PAH: variants seen among roughly 807,000 people sequenced by gnomAD.
The protein encoded by PAH is phenylalanine hydroxylase.
Under a neutral mutation model 62.0 loss-of-function variants are expected in PAH, and 64 were observed. The observed-to-expected ratio is 1.03, with a 90% CI of 0.84 to 1.27. The LOEUF (loss-of-function observed/expected upper bound fraction) is 1.27, where lower values mean the gene tolerates loss of function less well. PAH is among the 50% of genes most tolerant of loss of function. The pLI is 0.00. For missense variants in PAH, 579 were observed against 542.8 expected, an observed-to-expected ratio of 1.07 and a Z score of -0.66; for synonymous variants, 195 against 196.2, an observed-to-expected ratio of 0.99 and a Z score of 0.05.
At chr12:102,882,326 A>G (rs567268899) in intron 3 of PAH, among the ~76,000 whole-genome samples, 93 of 152,286 alleles carry the variant, frequency 6.1e-4, no homozygotes, top group Admixed American at 1.8e-3. Flanking sequence ...TAAGAGTCTT[A>G]AAACAGCCAG....
intron 3 of PAH, among the ~76,000 whole-genome samples, chr12:102,891,296 G>A (rs548105295): frequency 1.3e-5 from 2 of 152,084 alleles, no homozygotes; most frequent in South Asian, 4.2e-4. Context: ...ACTGTGCCCG[G>A]CACAGAGCTG....
chr12:102,859,320 A>T (rs1364120057), intron 5 of PAH, among the ~76,000 whole-genome samples: 1 of 152,230 alleles, frequency 6.6e-6, no homozygotes, highest in Admixed American at 6.5e-5. Context: ...TCTGAAATTG[A>T]GGCAATAATT....
chr12:102,839,359 C>T, intron 12 of PAH, 141 bp from the exon 13 acceptor site: 1 of 758,256 alleles, frequency 1.3e-6, no homozygotes. Context: ...GAGCTTACAG[C>T]CTCATTATGG....
chr12:102,904,833 C>T, intron 2 of PAH: 1 of 393,586 alleles, frequency 2.5e-6, no homozygotes, highest in East Asian at 6.1e-5. Context: ...CACCACAGTC[C>T]CCCTGCTCTA....
chr12:102,877,887 G>A (rs577256601), intron 3 of PAH, among the ~76,000 whole-genome samples: 18 of 152,228 alleles, frequency 1.2e-4, no homozygotes, highest in Non-Finnish European at 2.5e-4. Context: ...ACAGTTGCAT[G>A]TGATCTTGGC....
intron 2 of PAH, among the ~76,000 whole-genome samples, chr12:102,901,634 A>G (rs1047569109): frequency 2.0e-5 from 3 of 152,078 alleles, no homozygotes; most frequent in Admixed American, 1.3e-4. Context: ...AAAAAGAAGG[A>G]AAGCCTAGGC....
intron 3 of PAH, among the ~76,000 whole-genome samples, chr12:102,884,585 G>T (rs1460302701): frequency 6.6e-5 from 10 of 152,164 alleles, no homozygotes; most frequent in African/African-American, 2.4e-4. Flanking sequence ...GCACTTGCCT[G>T]CCTCCTTCTT....
intron 1 of PAH, among the ~76,000 whole-genome samples, chr12:102,934,159 C>A (rs1005005548): frequency 6.6e-6 from 1 of 152,014 alleles, no homozygotes; most frequent in Non-Finnish European, 1.5e-5. Flanking sequence ...CCAGTTTTCC[C>A]AGCATCATTG....
intron 3 of PAH, among the ~76,000 whole-genome samples, chr12:102,883,754 G>T (rs1172527113): frequency 6.6e-6 from 1 of 152,130 alleles, no homozygotes; most frequent in African/African-American, 2.4e-5. Context: ...TTCAAGAAAA[G>T]GTCCAAAACA....
exon 1 of PAH, chr12:102,958,273 G>A (rs1879992019): frequency 2.0e-6 from 3 of 1,474,852 alleles, no homozygotes; most frequent in Non-Finnish European, 1.8e-6. Flanking sequence ...ATGGAGAGCG[G>A]CGGCGCCGGC....
chr12:102,899,239 G>A (rs1161603765), intron 2 of PAH, among the ~76,000 whole-genome samples: 9 of 152,118 alleles, frequency 5.9e-5, no homozygotes, highest in Admixed American at 2.0e-4. Flanking sequence ...TCCAAGAACC[G>A]AGAATGGACA....
At chr12:102,921,260 C>T (rs1878545336), upstream of PAH, among the ~76,000 whole-genome samples, 1 of 152,198 alleles carries the variant, frequency 6.6e-6, no homozygotes, top group Non-Finnish European at 1.5e-5. Context: ...GAATTTCTCT[C>T]ATAACTCATG....
intron 1 of PAH, among the ~76,000 whole-genome samples, chr12:102,933,631 A>C (rs1489183742): frequency 1.3e-5 from 2 of 152,016 alleles, no homozygotes; most frequent in Non-Finnish European, 2.9e-5. Flanking sequence ...TTGGATTATA[A>C]GCCATTTTAA....
exon 1 of PAH, chr12:102,958,310 GC>G (rs1317517119): frequency 6.8e-7 from 1 of 1,477,426 alleles, no homozygotes; most frequent in Admixed American, 2.4e-5. Flanking sequence ...AGCCCCAGCA[GC>G]CCTTCCTGCC....
intron 5 of PAH, among the ~76,000 whole-genome samples, chr12:102,857,576 A>C (rs1256101216): frequency 6.6e-6 from 1 of 152,244 alleles, no homozygotes; most frequent in Non-Finnish European, 1.5e-5. Context: ...GCCAGAGAGA[A>C]AGGTCAGGTT....
intron 1 of PAH, among the ~76,000 whole-genome samples, chr12:102,930,916 C>T (rs994247293): frequency 3.9e-5 from 6 of 152,030 alleles, no homozygotes; most frequent in South Asian, 2.1e-4. Context: ...ATATGTCTTA[C>T]GTATCTATGG....
chr12:102,899,722 A>G (rs867786811), intron 2 of PAH, among the ~76,000 whole-genome samples: 115 of 148,374 alleles, frequency 7.8e-4, no homozygotes, highest in Middle Eastern at 6.9e-3. Context: ...AGCCGGGCGT[A>G]GTGGCGGGCG....
intron 1 of PAH, among the ~76,000 whole-genome samples, chr12:102,933,689 A>G (rs890779978): frequency 6.6e-6 from 1 of 152,192 alleles, no homozygotes; most frequent in African/African-American, 2.4e-5. Context: ...CATTTCTCCG[A>G]TGATCAATGA....
At chr12:102,931,365 A>T (rs1878866848) in intron 1 of PAH, among the ~76,000 whole-genome samples, 1 of 152,108 alleles carries the variant, frequency 6.6e-6, no homozygotes, top group Non-Finnish European at 1.5e-5. Flanking sequence ...TGGGGTGGGT[A>T]GGTGTTAGAG....
Sources: gnomAD v4.1 joint callset for allele counts (sites outside exome capture counted in the v4.1 genomes callset) on GRCh38, gnomAD v4.1.1 for gene constraint, MANE v1.5 for transcripts, NCBI Gene and HGNC (gene_info 2026-07-23, HGNC 2026-07-21) for gene names.